Variants in SEC24D observed in about 807,000 individuals in gnomAD.
SEC24D encodes protein transport protein Sec24D.
SEC24D carries 69 observed loss-of-function variants against 116.9 expected under a neutral mutation model. The observed-to-expected ratio is 0.59, with a 90% CI of 0.49 to 0.72. The LOEUF is 0.72. Ranked by LOEUF, SEC24D falls within the 30% of genes least tolerant of loss-of-function variation. The pLI is 0.00. For missense variants in SEC24D, 1,131 were observed against 1,264.1 expected (o/e 0.89, Z 1.60); for synonymous variants, 405 against 442.8 (o/e 0.91, Z 1.07).
chr4:118,779,950 C>A (rs1228638686), intron 8 of SEC24D, among the ~76,000 whole-genome samples: 2 of 152,078 alleles, frequency 1.3e-5, no homozygotes, highest in Non-Finnish European at 2.9e-5. Flanking sequence ...GTGGTGACAT[C>A]CCTTTTATCA....
intron 8 of SEC24D, among the ~76,000 whole-genome samples, chr4:118,777,424 G>C (rs943768551): frequency 4.6e-5 from 7 of 152,124 alleles, no homozygotes; most frequent in Admixed American, 2.6e-4. Flanking sequence ...CTTCATCCAT[G>C]ACCCTAAAAA....
rs1442323406 is a variant in SEC24D at position 118,744,143 on chromosome 4, G to A, written c.1840C>T (p.Gln614Ter). ...GCCAATGAGTCATAGACATTTGTTTGGGGCTGGAAAAGTATCTGGAAAAAA... is the reference window on the plus strand; with the variant it reads ...GCCAATGAGTCATAGACATTTGTTTAGGGCTGGAAAAGTATCTGGAAAAAA... ...TDKEKILFQP[Q>*]TNVYDSLAKD... Residue 614 changes from glutamine (Q) to a stop codon, truncating the protein, a stop_gained, in exon 15 of 23, where the codon CAA (glutamine) becomes TAA (stop). Transcript: ENST00000280551. LOFTEE classifies it high-confidence loss of function. 1 of 1,564,204 alleles carries A rather than the reference G, an allele frequency of 6.4e-7. No individual in the cohort carries two copies. Among genetic ancestry groups the A allele is most frequent in the Non-Finnish European group, 8.6e-7 (1 of 1,158,890 alleles).
chr4:118,832,910 C>G (rs1297353815), intron 2 of SEC24D, among the ~76,000 whole-genome samples: 2 of 152,162 alleles, frequency 1.3e-5, no homozygotes, highest in Non-Finnish European at 2.9e-5. Flanking sequence ...AAGAGGGATG[C>G]TTCATCTGGA....
chr4:118,764,564 TTTTCTA>T (rs1727547637), intron 10 of SEC24D: 1 of 385,822 alleles, frequency 2.6e-6, no homozygotes, highest in South Asian at 4.7e-5. Flanking sequence ...AAAATTATTG[TTTTCTA>T]TTTCTGACAC....
intron 6 of SEC24D, among the ~76,000 whole-genome samples, chr4:118,808,979 C>CT (rs11393316): frequency 0.37 from 54,484 of 147,478 alleles, 10,448 homozygotes; most frequent in East Asian, 0.55. Flanking sequence ...CACCCAACTT[C>CT]TTTTTTTTTT....
intron 8 of SEC24D, among the ~76,000 whole-genome samples, chr4:118,775,359 AAAAAAAG>A (rs1310079329): frequency 6.6e-6 from 1 of 151,104 alleles, no homozygotes; most frequent in Non-Finnish European, 1.5e-5. Flanking sequence ...AAAAAAAAAA[AAAAAAAG>A]AAGAAATCTT....
chr4:118,819,662 T>C (rs542574990), intron 3 of SEC24D, among the ~76,000 whole-genome samples: 2 of 152,198 alleles, frequency 1.3e-5, no homozygotes, highest in Admixed American at 1.3e-4. Flanking sequence ...TTGGATTTGA[T>C]AAGCAGAAAC....
chr4:118,747,985 G>A (rs1726624661), intron 13 of SEC24D, among the ~76,000 whole-genome samples: 1 of 152,086 alleles, frequency 6.6e-6, no homozygotes, highest in South Asian at 2.1e-4. Context: ...CCTATAGTAG[G>A]CCGGGCGTGG....
chr4:118,752,945 T>G, intron 11 of SEC24D, 57 bp from the exon 12 acceptor site: 3 of 1,271,796 alleles, frequency 2.4e-6, no homozygotes, highest in Non-Finnish European at 3.3e-6. Flanking sequence ...GAAAAGGAGG[T>G]TTCTATCTGA....
chr4:118,812,873 G>A (rs373273393), intron 6 of SEC24D, among the ~76,000 whole-genome samples: 1 of 151,944 alleles, frequency 6.6e-6, no homozygotes, highest in Non-Finnish European at 1.5e-5. Context: ...TGTAACACAC[G>A]CCCACTGGGA....
At chr4:118,744,827 C>A in intron 14 of SEC24D, 117 bp downstream of exon 14, 2 of 646,824 alleles carry the variant, frequency 3.1e-6, no homozygotes, top group South Asian at 2.0e-5. Flanking sequence ...ATATGCAATG[C>A]CCTGGACTTA....
rs920903273 is a variant in SEC24D at position 118,760,921 on chromosome 4, G to C, written c.1297-3076C>G. Among the ~76,000 whole-genome samples, 11 of 151,678 alleles carry C rather than the reference G, an allele frequency of 7.3e-5. 1 individual carries two copies. In the South Asian group the frequency reaches 2.3e-3, roughly 32 times the overall value. On this transcript the variant is annotated intron_variant, in intron 10 of 22. Coordinates refer to ENST00000280551, the MANE Select transcript of SEC24D (RefSeq NM_014822.4). ...TTTAGTAGAGACGGGGTTTCACTAT[G>C]TTGGCCAGGTTGGTCTCAAACTCCT...
intron 7 of SEC24D, among the ~76,000 whole-genome samples, chr4:118,805,156 TAGAG>T (rs1256273457): frequency 6.6e-6 from 1 of 152,140 alleles, no homozygotes; most frequent in African/African-American, 2.4e-5. Context: ...GCACAGAGGA[TAGAG>T]AGAGGATCCC....
At chr4:118,773,774 A>C (rs1037488592) in intron 8 of SEC24D, among the ~76,000 whole-genome samples, 5 of 152,210 alleles carry the variant, frequency 3.3e-5, no homozygotes, top group African/African-American at 1.2e-4. Context: ...TGTGAAAGAG[A>C]AATGAGAAGC....
chr4:118,758,035 G>T (rs1413704384), intron 10 of SEC24D, among the ~76,000 whole-genome samples, 190 bp from the exon 11 acceptor site: 1 of 152,128 alleles, frequency 6.6e-6, no homozygotes, highest in Non-Finnish European at 1.5e-5. Context: ...AAAGATAAAA[G>T]AAGTTGTTTA....
intron 8 of SEC24D, among the ~76,000 whole-genome samples, chr4:118,791,577 C>A (rs113326560): frequency 4.6e-5 from 7 of 152,132 alleles, no homozygotes; most frequent in Admixed American, 3.3e-4. Flanking sequence ...GATGCCGAGC[C>A]GAGACTGGAC....
intron 4 of SEC24D, 120 bp downstream of exon 4, chr4:118,817,144 A>T (rs752448286): frequency 2.6e-5 from 21 of 796,568 alleles, no homozygotes; most frequent in Non-Finnish European, 4.2e-5. Flanking sequence ...AAAAATGTCC[A>T]AATACTACTT....
intron 8 of SEC24D, among the ~76,000 whole-genome samples, chr4:118,769,230 C>T (rs1431610979): frequency 6.6e-6 from 1 of 152,090 alleles, no homozygotes; most frequent in African/African-American, 2.4e-5. Flanking sequence ...CATGCTTTGC[C>T]AGAACTGAAA....
chr4:118,831,613 A>AT (rs749221927), intron 2 of SEC24D, among the ~76,000 whole-genome samples: 1,677 of 141,632 alleles, frequency 0.012, 11 homozygotes, highest in Non-Finnish European at 0.015. Context: ...GATTTTTTTG[A>AT]TTTTTTTTTT....
Sources: gnomAD v4.1 joint callset for allele counts (sites outside exome capture counted in the v4.1 genomes callset) on GRCh38, gnomAD v4.1.1 for gene constraint, MANE v1.5 for transcripts, NCBI Gene and HGNC (gene_info 2026-07-23, HGNC 2026-07-21) for gene names.